EPHA6: variants seen among roughly 807,000 people sequenced by gnomAD.
The protein encoded by EPHA6 is EPH receptor A6.
EPHA6 carries 50 observed loss-of-function variants against 112.0 expected under a neutral mutation model. That is an observed-to-expected ratio of 0.45 (90% confidence interval 0.36 to 0.56). The LOEUF (loss-of-function observed/expected upper bound fraction) is 0.56. EPHA6 is among the 20% of genes least tolerant of loss of function. EPHA6 has a pLI of 0.00. For synonymous variants in EPHA6, 529 were observed against 490.7 expected (o/e 1.08, Z -1.03); for missense variants, 1,280 against 1,417.4 (o/e 0.90, Z 1.56).
At chr3:97,053,518 T>G (rs1038637485) in intron 3 of EPHA6, among the ~76,000 whole-genome samples, 9 of 152,060 alleles carry the variant, frequency 5.9e-5, no homozygotes, top group African/African-American at 2.2e-4. Flanking sequence ...CAAGCGATCT[T>G]TAAATCCAGG....
chr3:97,288,009 A>C (rs192020890), intron 5 of EPHA6, among the ~76,000 whole-genome samples: 5 of 152,192 alleles, frequency 3.3e-5, no homozygotes, highest in Admixed American at 2.6e-4. Context: ...ATGTGGTAGA[A>C]TAAAGCAGTG....
At chr3:97,544,397 T>C (rs970456492) in intron 11 of EPHA6, among the ~76,000 whole-genome samples, 72 of 152,280 alleles carry the variant, frequency 4.7e-4, no homozygotes, top group Non-Finnish European at 9.3e-4. Context: ...ATTACATTTA[T>C]TGATTTGCGT....
chr3:97,678,080 A>G (rs2031550712), intron 14 of EPHA6, among the ~76,000 whole-genome samples: 1 of 152,150 alleles, frequency 6.6e-6, no homozygotes, highest in Admixed American at 6.5e-5. Flanking sequence ...AGTCAGAAAC[A>G]AAGTCTTCAA....
At chr3:96,925,783 T>G (rs2040005111) in intron 2 of EPHA6, among the ~76,000 whole-genome samples, 1 of 151,998 alleles carries the variant, frequency 6.6e-6, no homozygotes, top group South Asian at 2.1e-4. Context: ...TTTTTGTAAT[T>G]TTAGTAGAGG....
At chr3:97,260,195 C>A (rs1342433427) in intron 5 of EPHA6, among the ~76,000 whole-genome samples, 1 of 152,178 alleles carries the variant, frequency 6.6e-6, no homozygotes, top group African/African-American at 2.4e-5. Context: ...TAAGCTGGAA[C>A]AATTCCTAGT....
At position 97,190,792 on chromosome 3, in the gene EPHA6, C is replaced by T. The variant is rs1357315811; in HGVS notation, c.1115-35472C>T. 2.0e-5 allele frequency among the ~76,000 whole-genome samples: 3 copies of T among 151,908 alleles called. No individual in the cohort carries two copies. The East Asian group carries it at 5.8e-4, about 30-fold the overall frequency. ...AGATGACGAGTTAGTGGGTGCAGCG[C>T]ACCAGCATGGCACATGTATACATAT... On this transcript the variant is annotated intron_variant, in intron 3 of 17. Coordinates refer to ENST00000389672, the MANE Select transcript of EPHA6 (RefSeq NM_001080448.3).
At chr3:97,453,226 A>G (rs1429614559) in intron 7 of EPHA6, among the ~76,000 whole-genome samples, 1 of 151,682 alleles carries the variant, frequency 6.6e-6, no homozygotes, top group Non-Finnish European at 1.5e-5. Flanking sequence ...CTTGTGAGCT[A>G]TCAAAAGGGA....
chr3:96,833,626 A>G (rs1285249750), intron 1 of EPHA6, among the ~76,000 whole-genome samples: 1 of 152,010 alleles, frequency 6.6e-6, no homozygotes, highest in East Asian at 1.9e-4. Context: ...CTTAGAATAT[A>G]AAAGAGATCT....
At chr3:97,304,229 C>T (rs940396235) in intron 5 of EPHA6, among the ~76,000 whole-genome samples, 2 of 151,832 alleles carry the variant, frequency 1.3e-5, no homozygotes, top group East Asian at 1.9e-4. Context: ...TTTGAATACC[C>T]TTTATCTCTT....
intron 10 of EPHA6, among the ~76,000 whole-genome samples, chr3:97,491,310 G>C (rs990792327): frequency 6.6e-6 from 1 of 152,154 alleles, no homozygotes; most frequent in Non-Finnish European, 1.5e-5. Flanking sequence ...AGCATTACCA[G>C]GAGTGATTTC....
chr3:97,758,487 C>G lies in EPHA6; in HGVS notation c.*9786C>G, dbSNP rs1041417963. Among the ~76,000 whole-genome samples, 1 of 151,848 alleles carries G rather than the reference C, an allele frequency of 6.6e-6. No individual in the cohort carries two copies. The highest frequency in any genetic ancestry group is 6.6e-5 in the Admixed American group (1 of 15,246). On this transcript the variant is annotated 3_prime_UTR_variant, in exon 18 of 18. Transcript: ENST00000389672. ...ATATTTATCTGTAAGTCCATTCACT[C>G]CATTCAACTGTTTATTGAACACTAC...
intron 5 of EPHA6, among the ~76,000 whole-genome samples, chr3:97,250,876 T>A (rs542543333): frequency 4.9e-4 from 74 of 151,938 alleles, no homozygotes; most frequent in African/African-American, 1.7e-3. Context: ...TTTTTTTTTT[T>A]CTCTTTTTTT....
chr3:97,253,408 A>G (rs1161513928), intron 5 of EPHA6, among the ~76,000 whole-genome samples: 3 of 152,176 alleles, frequency 2.0e-5, no homozygotes, highest in Non-Finnish European at 4.4e-5. Flanking sequence ...TTGACATTCT[A>G]ATAGGTCTAA....
chr3:97,423,918 A>G (rs1246111236), intron 6 of EPHA6, among the ~76,000 whole-genome samples: 1 of 152,216 alleles, frequency 6.6e-6, no homozygotes, highest in African/African-American at 2.4e-5. Context: ...TCTCTATTCA[A>G]TCAATGATGC....
At chr3:97,723,427 G>T (rs1214575422) in intron 15 of EPHA6, among the ~76,000 whole-genome samples, 1 of 152,142 alleles carries the variant, frequency 6.6e-6, no homozygotes, top group Non-Finnish European at 1.5e-5. Context: ...AGTGATTTTT[G>T]TCTATTAAAC....
chr3:97,082,279 AACT>A (rs1576454200), intron 3 of EPHA6, among the ~76,000 whole-genome samples: 1 of 152,016 alleles, frequency 6.6e-6, no homozygotes, highest in Non-Finnish European at 1.5e-5. Context: ...AAAAATATAA[AACT>A]ATTACAAAAA....
At chr3:97,416,710 A>G (rs940720522) in intron 6 of EPHA6, among the ~76,000 whole-genome samples, 5 of 152,174 alleles carry the variant, frequency 3.3e-5, no homozygotes, top group African/African-American at 7.2e-5. Flanking sequence ...GATTCACATT[A>G]GGAATGATAT....
intron 5 of EPHA6, among the ~76,000 whole-genome samples, chr3:97,346,043 A>G (rs932149679): frequency 1.3e-5 from 2 of 152,068 alleles, no homozygotes; most frequent in African/African-American, 4.8e-5. Context: ...TCTCATAAAA[A>G]TCTATACTGC....
chr3:97,662,573 C>T (rs1460753641), intron 14 of EPHA6, among the ~76,000 whole-genome samples: 1 of 152,132 alleles, frequency 6.6e-6, no homozygotes. Flanking sequence ...AATAAATATT[C>T]TCCGCTCCTC....
Sources: gnomAD v4.1 joint callset for allele counts (sites outside exome capture counted in the v4.1 genomes callset) on GRCh38, gnomAD v4.1.1 for gene constraint, MANE v1.5 for transcripts, NCBI Gene and HGNC (gene_info 2026-07-23, HGNC 2026-07-21) for gene names.